CAPN3: variants seen among roughly 807,000 people sequenced by gnomAD.
CAPN3 encodes the protein calpain 3.
In CAPN3, 88 loss-of-function variants were observed where a neutral mutation model predicts 114.0. The observed-to-expected ratio is 0.77, with a 90% confidence interval of 0.65 to 0.92. CAPN3 has a LOEUF of 0.92. CAPN3 is among the 40% of genes least tolerant of loss of function. The probability of loss-of-function intolerance (pLI) is 0.00; values close to 1 mark genes in which losing one functional copy is unlikely to be tolerated. For synonymous variants in CAPN3, 386 were observed against 382.9 expected, an observed-to-expected ratio of 1.01 and a Z score of -0.09; for missense variants, 1,028 against 1,069.0, an observed-to-expected ratio of 0.96 and a Z score of 0.53.
At position 42,386,255 on chromosome 15, in the gene CAPN3, C is replaced by A. The variant is rs143942248; in HGVS notation, c.468C>A (p.Ile156=). 2 of 1,613,594 alleles carry A rather than the reference C, an allele frequency of 1.2e-6. No homozygotes were observed. Among genetic ancestry groups the A allele is most frequent in the East Asian group, 4.5e-5 (2 of 44,874 alleles). Reference sequence around the variant, plus strand: ...TCATACCCCATGATCAAAGTTTCATCGAAAACTACGCAGGGATCTTCCACT... The same window carrying A: ...TCATACCCCATGATCAAAGTTTCATAGAAAACTACGCAGGGATCTTCCACT... ...FRVIPHDQSF[I]ENYAGIFHFQ... is the part of the protein sequence containing the mutation. The change falls in exon 3 of 24, where the codon ATC becomes ATA. Residue 156 remains isoleucine (I), a synonymous_variant. Coordinates refer to ENST00000397163, the MANE Select transcript of CAPN3 (RefSeq NM_000070.3).
At chr15:42,390,448 C>T (rs191322919) in intron 6 of CAPN3, among the ~76,000 whole-genome samples, 1 of 152,282 alleles carries the variant, frequency 6.6e-6, no homozygotes, top group East Asian at 1.9e-4. Flanking sequence ...TTTTGAGCTC[C>T]TACTATGTTC....
chr15:42,410,450 A>C lies in CAPN3; in HGVS notation c.2138A>C (p.Asn713Thr), dbSNP rs886044264. The C allele has an allele frequency of 2.5e-5, 41 of 1,614,098 alleles. No homozygotes were observed. The highest frequency in any genetic ancestry group is 3.5e-5 in the Non-Finnish European group (41 of 1,180,022). ...LMDTDGSGKL[N>T]LQEFHHLWNK... ...CAGACAGATGGCTCTGGAAAGCTCA[A>C]CCTGCAGGAGTTCCACCACCTCTGG... Residue 713 changes from asparagine (N) to threonine (T), a missense_variant, in exon 20 of 24, where the codon AAC becomes ACC. Asn to Thr is a moderately conservative substitution (Grantham distance 65). Transcript: ENST00000397163.
chr15:42,412,275 T>G lies in CAPN3; in HGVS notation c.*502T>G. 1 of 1,271,522 alleles carries G rather than the reference T, an allele frequency of 7.9e-7. No individual in the cohort carries two copies. Among genetic ancestry groups the G allele is most frequent in the South Asian group, 1.3e-5 (1 of 74,560 alleles). The allele number at this position is 1,271,522 out of a possible 1,614,324, so 78.8% of individuals were successfully genotyped here. A position where few individuals can be genotyped will look rare whatever the true frequency, so the allele number is the denominator to read the frequency against. On this transcript the variant is annotated 3_prime_UTR_variant, in exon 24 of 24. Coordinates refer to ENST00000397163, the MANE Select transcript of CAPN3 (RefSeq NM_000070.3). Reference sequence around the variant, plus strand: ...TCCAACTCATAAGTTTGGCTGCATTTTGAAAAAAGCTGATCTAAATAAAGG... The same window carrying G: ...TCCAACTCATAAGTTTGGCTGCATTGTGAAAAAAGCTGATCTAAATAAAGG...
At position 42,402,071 on chromosome 15, in the gene CAPN3, G is replaced by C. The variant is rs1471361930; in HGVS notation, c.1525-53G>C. 3.7e-6 allele frequency: 6 copies of C among 1,612,200 alleles called. 1 individual carries two copies. The highest frequency in any genetic ancestry group is 2.5e-6 in the Non-Finnish European group (3 of 1,178,868). On this transcript the variant is annotated intron_variant, in intron 11 of 23. Transcript: ENST00000397163. ...CAGTTGCTGGCATTGCCTTCCGCAGGCTCCTCATCCTCATTCACATCTGAA... is the reference window on the plus strand; with the variant it reads ...CAGTTGCTGGCATTGCCTTCCGCAGCCTCCTCATCCTCATTCACATCTGAA...
chr15:42,400,389 G>T (rs1194641315), intron 10 of CAPN3, among the ~76,000 whole-genome samples: 1 of 152,146 alleles, frequency 6.6e-6, no homozygotes, highest in East Asian at 1.9e-4. Context: ...GAAGGAAGAA[G>T]AATGATGTCA....
At chr15:42,385,678 G>GAT (rs1566974116) in intron 2 of CAPN3, 1 of 520,006 alleles carries the variant, frequency 1.9e-6, no homozygotes, top group Middle Eastern at 3.5e-4. Context: ...GCCCCCTATA[G>GAT]ACGGGTTCCA....
At chr15:42,392,861 G>A (rs983534790) in intron 7 of CAPN3, 139 bp downstream of exon 7, 14 of 659,018 alleles carry the variant, frequency 2.1e-5, no homozygotes, top group South Asian at 1.0e-4. Flanking sequence ...TCCAAGCCAC[G>A]CCTGGGAGCA....
In CAPN3 at chr15:42,360,114, G is replaced by T; in HGVS notation, c.309G>T (p.Pro103=). ...FPIQFVWKRP[P]EICENPRFII... ...TCCAGTTCGTCTGGAAGAGACCTCCGGTGAGTAGCTTCCTGCTTGCTGGCT... is the reference window on the plus strand; with the variant it reads ...TCCAGTTCGTCTGGAAGAGACCTCCTGTGAGTAGCTTCCTGCTTGCTGGCT... The change falls in exon 1 of 24, where the codon CCG becomes CCT. Residue 103 remains proline (P), a splice_region_variant and synonymous_variant. Coordinates refer to ENST00000397163, the MANE Select transcript of CAPN3 (RefSeq NM_000070.3). 6.2e-7 allele frequency: 1 copy of T among 1,614,144 alleles called. No homozygotes were observed. The highest frequency in any genetic ancestry group is 8.5e-7 in the Non-Finnish European group (1 of 1,180,022).
Position 42,410,583 on chromosome 15 carries a change from G to A in CAPN3, c.2185-5G>A, listed in dbSNP as rs2054184751. ...GACCTCCATCCTCAAATTTTCTATT[G>A]CCAGAAAATTTTCAAACACTATGAC... On this transcript the variant is annotated splice_region_variant and splice_polypyrimidine_tract_variant and intron_variant, in intron 20 of 23. Coordinates refer to ENST00000397163, the MANE Select transcript of CAPN3 (RefSeq NM_000070.3). The A allele has an allele frequency of 6.2e-7, 1 of 1,613,664 alleles. No homozygotes were observed. The highest frequency in any genetic ancestry group is 8.5e-7 in the Non-Finnish European group (1 of 1,179,658).
At chr15:42,393,224 T>C (rs952074178) in intron 7 of CAPN3, among the ~76,000 whole-genome samples, 10 of 152,256 alleles carry the variant, frequency 6.6e-5, no homozygotes, top group African/African-American at 2.2e-4. Flanking sequence ...TTACGATACC[T>C]AACACAATGG....
At chr15:42,390,671 T>A (rs1315622132) in intron 6 of CAPN3, among the ~76,000 whole-genome samples, 1 of 152,148 alleles carries the variant, frequency 6.6e-6, no homozygotes, top group East Asian at 1.9e-4. Context: ...ATCTAGTATA[T>A]GTTCTTCCAG....
At position 42,392,615 on chromosome 15, in the gene CAPN3, G is replaced by A. The variant is rs774553075; in HGVS notation, c.946-24G>A. The A allele has an allele frequency of 1.3e-5, 21 of 1,593,444 alleles. No homozygotes were observed. The South Asian group carries it at 2.3e-4, about 18-fold the overall frequency. On this transcript the variant is annotated intron_variant, in intron 6 of 23. Transcript: ENST00000397163. The stretch of plus-strand genomic sequence containing the variant: ...AACTTCTGTTCCCCCGCCCCTAATG[G>A]GTTCTCTGGTTACTGCTCTACAGAC...
Position 42,388,993 on chromosome 15 carries a change from G to T in CAPN3, c.698G>T (p.Gly233Val). ...NTTEAMEDFT[G>V]GVAEFFEIRD... is the part of the protein sequence containing the mutation. ...ACAGAGGCCATGGAGGACTTCACAG[G>T]AGGGGTGGCAGAGTTTTTTGAGATC... Residue 233 changes from glycine (G) to valine (V), a missense_variant, in exon 5 of 24, where the codon GGA (glycine) becomes GTA (valine). Physicochemically the swap from Gly to Val is moderately radical, Grantham distance 109. Coordinates refer to ENST00000397163, the MANE Select transcript of CAPN3 (RefSeq NM_000070.3). 1 of 1,614,126 alleles carries T rather than the reference G, an allele frequency of 6.2e-7. No homozygotes were observed. The highest frequency in any genetic ancestry group is 2.2e-5 in the East Asian group (1 of 44,868).
At position 42,374,284 on chromosome 15, in the gene CAPN3, G is replaced by A. The variant is rs148735968; in HGVS notation, c.310-10199G>A. On this transcript the variant is annotated intron_variant, in intron 1 of 23. Transcript: ENST00000397163. ...GCCCAGCTCTACTCCCAGAGCATTC[G>A]CCATGCCCTACCTGCTGTCAGGATT... 489 of 152,570 alleles carry A rather than the reference G, an allele frequency of 3.2e-3. 1 individual carries two copies. Among genetic ancestry groups the A allele is most frequent in the Middle Eastern group, 0.01 (3 of 298 alleles). The allele number at this position is 152,570 out of a possible 1,614,324, so 9.5% of individuals were successfully genotyped here. A position where few individuals can be genotyped will look rare whatever the true frequency, so the allele number is the denominator to read the frequency against.
intron 7 of CAPN3, among the ~76,000 whole-genome samples, chr15:42,393,679 C>T (rs1232525048): frequency 2.0e-5 from 3 of 151,568 alleles, no homozygotes; most frequent in African/African-American, 7.3e-5. Flanking sequence ...CTGCAATGTC[C>T]GCCTCCTGGA....
chr15:42,389,158 A>C, intron 5 of CAPN3, 62 bp downstream of exon 5: 1 of 1,499,768 alleles, frequency 6.7e-7, no homozygotes, highest in Non-Finnish European at 9.3e-7. Context: ...CTTTTACCCA[A>C]TGAAGGGCAG....
At chr15:42,396,344 G>A (rs2053689693) in intron 8 of CAPN3, among the ~76,000 whole-genome samples, 1 of 151,094 alleles carries the variant, frequency 6.6e-6, no homozygotes, top group Non-Finnish European at 1.5e-5. Context: ...CCGGGTTCAA[G>A]TGATTCTTCT....
intron 22 of CAPN3, 107 bp from the exon 23 acceptor site, chr15:42,411,180 G>A: frequency 1.9e-6 from 2 of 1,067,356 alleles, no homozygotes; most frequent in Non-Finnish European, 2.9e-6. Flanking sequence ...GCACATCTTT[G>A]TGCTGATGAG....
chr15:42,362,548 C>T (rs2052673003), intron 1 of CAPN3, among the ~76,000 whole-genome samples: 1 of 152,144 alleles, frequency 6.6e-6, no homozygotes, highest in Non-Finnish European at 1.5e-5. Context: ...ATAACAAAGG[C>T]CACTCTTGGA....
Sources: allele counts gnomAD v4.1 joint callset (sites outside exome capture counted in the v4.1 genomes callset), GRCh38; gene constraint gnomAD v4.1.1; transcripts MANE v1.5; gene names NCBI Gene and HGNC (gene_info 2026-07-23, HGNC 2026-07-21).